The following ABCG2 variants were observed in gnomAD, a reference collection of about 807,000 sequenced individuals.
ABCG2 encodes ATP binding cassette subfamily G member 2 (JR blood group).
Under a neutral mutation model 73.5 loss-of-function variants are expected in ABCG2, and 80 were observed. The observed-to-expected ratio is 1.09, with a 90% CI of 0.91 to 1.31. The LOEUF is 1.31. Ranked by LOEUF, ABCG2 falls within the 50% of genes most tolerant of loss-of-function variation. The pLI, the probability that ABCG2 is intolerant of heterozygous loss-of-function variation, is 0.00. For synonymous variants in ABCG2, 269 were observed against 282.4 expected (o/e 0.95, Z 0.48); for missense variants, 796 against 786.2 (o/e 1.01, Z -0.15).
chr4:88,113,118 G>A (rs1215246639), intron 9 of ABCG2, among the ~76,000 whole-genome samples, 185 bp downstream of exon 9: 3 of 152,132 alleles, frequency 2.0e-5, no homozygotes, highest in East Asian at 1.9e-4. Context: ...CTCAAAAAAA[G>A]GGAAGCTTTC....
intron 1 of ABCG2, among the ~76,000 whole-genome samples, chr4:88,201,209 CAAA>C (rs3061250): frequency 5.6e-5 from 6 of 106,308 alleles, no homozygotes; most frequent in South Asian, 6.3e-4. Flanking sequence ...GCACTAACTG[CAAA>C]AAAAAAAAAA....
intron 1 of ABCG2, among the ~76,000 whole-genome samples, chr4:88,183,591 A>C (rs1285016239): frequency 1.3e-5 from 2 of 152,194 alleles, no homozygotes; most frequent in African/African-American, 2.4e-5. Flanking sequence ...CCTAGCAAAG[A>C]AAAGCTCAGA....
At chr4:88,199,030 G>A (rs1263286129) in intron 1 of ABCG2, among the ~76,000 whole-genome samples, 1 of 151,872 alleles carries the variant, frequency 6.6e-6, no homozygotes, top group East Asian at 1.9e-4. Flanking sequence ...GTGCAGTGGC[G>A]CAATCTCAGC....
intron 1 of ABCG2, among the ~76,000 whole-genome samples, chr4:88,167,498 C>A (rs1376977278): frequency 6.6e-6 from 1 of 151,724 alleles, no homozygotes; most frequent in Non-Finnish European, 1.5e-5. Context: ...CTCAACCTCC[C>A]GAGTAGCTGG....
At position 88,174,686 on chromosome 4, in the gene ABCG2, C is replaced by T. The variant is rs150940707; in HGVS notation, c.-19-34672G>A. 7.9e-5 allele frequency among the ~76,000 whole-genome samples: 12 copies of T among 152,280 alleles called. No individual in the cohort carries two copies. In the East Asian group the frequency reaches 1.7e-3, roughly 22 times the overall value. On this transcript the variant is annotated intron_variant, in intron 1 of 15. Coordinates refer to the ABCG2 transcript ENST00000515655. ...GGATTACAGGCGTGAGCCACCATGCCCAGCTGATGATAGTTTCTTTTGCTG... is the reference window on the plus strand; with the variant it reads ...GGATTACAGGCGTGAGCCACCATGCTCAGCTGATGATAGTTTCTTTTGCTG...
At chr4:88,199,307 T>C (rs1729058324) in intron 1 of ABCG2, among the ~76,000 whole-genome samples, 1 of 152,080 alleles carries the variant, frequency 6.6e-6, no homozygotes, top group South Asian at 2.1e-4. Flanking sequence ...TGACAGTTTC[T>C]CCCAAATTAA....
At chr4:88,147,023 A>AAGAG in intron 1 of ABCG2, among the ~76,000 whole-genome samples, 1 of 150,414 alleles carries the variant, frequency 6.6e-6, no homozygotes, top group East Asian at 1.9e-4. Flanking sequence ...AAAGGAAAGA[A>AAGAG]AGAAAGAAAG....
chr4:88,156,700 T>C (rs926886485), intron 1 of ABCG2, among the ~76,000 whole-genome samples: 1 of 152,124 alleles, frequency 6.6e-6, no homozygotes, highest in Non-Finnish European at 1.5e-5. Flanking sequence ...GTTCCACAAA[T>C]GGATGCTTAA....
intron 2 of ABCG2, 44 bp from the exon 3 acceptor site, chr4:88,132,679 C>G (rs1486244477): frequency 3.7e-6 from 6 of 1,605,420 alleles, no homozygotes; most frequent in South Asian, 1.1e-5. Flanking sequence ...CATTTTAAGT[C>G]AGGTTCTATT....
In ABCG2 at chr4:88,097,464, CA is replaced by C; in HGVS notation, c.1635del (p.Phe545LeufsTer4). 1 of 1,614,110 alleles carries C rather than the reference CA, an allele frequency of 6.2e-7. No homozygotes were observed. Among genetic ancestry groups the C allele is most frequent in the Non-Finnish European group, 8.5e-7 (1 of 1,179,970 alleles). ...CAGTTCAGACTCACCATCATAAACA[CA>C]AAACAGATGGTCATGAGAAGTGTTG... is the stretch of plus-strand genomic sequence containing the variant. ...SVATLLMTIC[F>X]VFMMIFSGLL... On this transcript the variant is annotated frameshift_variant, in exon 13 of 16. Coordinates refer to ENST00000237612, the MANE Select transcript of ABCG2 (RefSeq NM_004827.3). LOFTEE classifies it high-confidence loss of function.
At chr4:88,199,570 C>T (rs1226730508) in intron 1 of ABCG2, among the ~76,000 whole-genome samples, 2 of 152,092 alleles carry the variant, frequency 1.3e-5, no homozygotes, top group Admixed American at 1.3e-4. Flanking sequence ...AGAAAAATAC[C>T]ACCAACTTAG....
chr4:88,135,275 T>G lies in ABCG2; in HGVS notation c.204-2640A>C, dbSNP rs4148154. Among the ~76,000 whole-genome samples the G allele has an allele frequency of 3.9e-4, 60 of 152,144 alleles. No homozygotes were observed. In the East Asian group the frequency reaches 0.011, roughly 28 times the overall value. Reference sequence around the variant, plus strand: ...GCATTTGCATGCAGGTCAGTGTCCCTCACTATAAAAGTCTGTCAACAAGAA... The same window carrying G: ...GCATTTGCATGCAGGTCAGTGTCCCGCACTATAAAAGTCTGTCAACAAGAA... On this transcript the variant is annotated intron_variant, in intron 2 of 15. Coordinates refer to ENST00000237612, the MANE Select transcript of ABCG2 (RefSeq NM_004827.3).
At position 88,201,285 on chromosome 4, in the gene ABCG2, C is replaced by T. The variant is rs1418310551; in HGVS notation, c.-20+29709G>A. On this transcript the variant is annotated intron_variant, in intron 1 of 15. Coordinates refer to the ABCG2 transcript ENST00000515655. ...AAAAAGTAGACATTACCTGGTTGGC[C>T]CTGTCAGTAAAAGTTTTTTTAAAAA... 2.0e-5 allele frequency among the ~76,000 whole-genome samples: 3 copies of T among 150,656 alleles called. No homozygotes were observed. In the East Asian group the frequency reaches 5.8e-4, roughly 29 times the overall value.
At chr4:88,168,902 C>G (rs902985998) in intron 1 of ABCG2, among the ~76,000 whole-genome samples, 1 of 151,976 alleles carries the variant, frequency 6.6e-6, no homozygotes, top group African/African-American at 2.4e-5. Flanking sequence ...GCCACAGAAG[C>G]CTCCCTCAAG....
rs557478523 is a variant in ABCG2, at chr4:88,197,109, C to A, written c.-20+33885G>T. ...ATCATAGGACTGTAGAATATTACCC[C>A]CTACCCACCCCACCTCACCACCACA... is the stretch of plus-strand genomic sequence containing the variant. On this transcript the variant is annotated intron_variant, in intron 1 of 15. Coordinates refer to the ABCG2 transcript ENST00000515655. Among the ~76,000 whole-genome samples, 13 of 151,628 alleles carry A rather than the reference C, an allele frequency of 8.6e-5. No homozygotes were observed. The South Asian group carries it at 2.1e-3, about 24-fold the overall frequency.
intron 1 of ABCG2, among the ~76,000 whole-genome samples, chr4:88,228,030 C>T (rs1023575981): frequency 2.0e-5 from 3 of 152,170 alleles, no homozygotes; most frequent in Non-Finnish European, 4.4e-5. Context: ...TTACAATCTC[C>T]TTGACCCATA....
intron 10 of ABCG2, among the ~76,000 whole-genome samples, chr4:88,103,715 C>G (rs1226522468): frequency 6.6e-6 from 1 of 152,220 alleles, no homozygotes; most frequent in Non-Finnish European, 1.5e-5. Flanking sequence ...TGACCATCAT[C>G]TCTCCATTCC....
At chr4:88,115,266 A>C (rs530633551) in intron 7 of ABCG2, among the ~76,000 whole-genome samples, 1,041 of 7,222 alleles carry the variant, frequency 0.14, 26 homozygotes, top group Middle Eastern at 0.21. Context: ...CTATATATAT[A>C]TATATATATA....
At chr4:88,110,492 G>A (rs748527882) in intron 9 of ABCG2, among the ~76,000 whole-genome samples, 19 of 151,966 alleles carry the variant, frequency 1.3e-4, no homozygotes, top group African/African-American at 4.6e-4. Context: ...ACAGTGAGCC[G>A]ACACAGCACC....
Sources: allele counts gnomAD v4.1 joint callset (sites outside exome capture counted in the v4.1 genomes callset), GRCh38; gene constraint gnomAD v4.1.1; transcripts MANE v1.5; gene names NCBI Gene and HGNC (gene_info 2026-07-23, HGNC 2026-07-21).